MYO5B: variants seen among roughly 807,000 people sequenced by gnomAD.
MYO5B encodes myosin VB, also known as unconventional myosin-Vb.
In MYO5B, 143 loss-of-function variants were observed where a neutral mutation model predicts 229.3. That is an observed-to-expected ratio of 0.62 (90% CI 0.54 to 0.72). The LOEUF is 0.72. Ranked by LOEUF, MYO5B falls within the 30% of genes least tolerant of loss-of-function variation. The pLI is 0.00. For synonymous variants in MYO5B, 918 were observed against 885.2 expected, an observed-to-expected ratio of 1.04 and a Z score of -0.66; for missense variants, 2,321 against 2,331.0, an observed-to-expected ratio of 1.00 and a Z score of 0.09.
chr18:50,135,482 A>C (rs1305222003), intron 1 of MYO5B, among the ~76,000 whole-genome samples: 1 of 152,256 alleles, frequency 6.6e-6, no homozygotes, highest in Non-Finnish European at 1.5e-5. Context: ...ATCTGTATGT[A>C]CACGCACACA....
intron 1 of MYO5B, among the ~76,000 whole-genome samples, chr18:50,111,950 A>G (rs1034795036): frequency 1.3e-5 from 2 of 152,168 alleles, no homozygotes; most frequent in Non-Finnish European, 2.9e-5. Flanking sequence ...TGAGCACTGG[A>G]GCAGAGAAGG....
At chr18:49,921,605 T>G (rs1029484006) in intron 17 of MYO5B, among the ~76,000 whole-genome samples, 4 of 152,066 alleles carry the variant, frequency 2.6e-5, no homozygotes, top group Middle Eastern at 3.2e-3. Context: ...TAGACCGGTA[T>G]AGGGAAGCCC....
chr18:50,161,289 C>A (rs553908671), intron 1 of MYO5B, among the ~76,000 whole-genome samples: 111 of 152,256 alleles, frequency 7.3e-4, no homozygotes, highest in African/African-American at 2.5e-3. Flanking sequence ...GAGGCTGAGG[C>A]ATGAGAATCA....
At chr18:49,923,690 C>G (rs1296344189) in intron 17 of MYO5B, among the ~76,000 whole-genome samples, 1 of 152,200 alleles carries the variant, frequency 6.6e-6, no homozygotes, top group Non-Finnish European at 1.5e-5. Flanking sequence ...CTAGCTCCTC[C>G]CTAACGTTCT....
chr18:50,166,752 G>T (rs1314325117), intron 1 of MYO5B, among the ~76,000 whole-genome samples: 1 of 152,094 alleles, frequency 6.6e-6, no homozygotes, highest in Admixed American at 6.6e-5. Context: ...TGAGTCAAAG[G>T]TCTTATATGG....
chr18:49,932,203 T>C (rs2025200820), intron 16 of MYO5B, among the ~76,000 whole-genome samples: 1 of 152,132 alleles, frequency 6.6e-6, no homozygotes, highest in Non-Finnish European at 1.5e-5. Flanking sequence ...ACATCATGCT[T>C]CCTGACCTCT....
At chr18:50,135,436 GA>G (rs2032320743) in intron 1 of MYO5B, among the ~76,000 whole-genome samples, 1 of 152,176 alleles carries the variant, frequency 6.6e-6, no homozygotes, top group Non-Finnish European at 1.5e-5. Flanking sequence ...GTCTTTGCCA[GA>G]TTCAAAAATC....
intron 1 of MYO5B, among the ~76,000 whole-genome samples, chr18:50,082,194 A>G (rs1416676217): frequency 6.6e-6 from 1 of 152,190 alleles, no homozygotes; most frequent in African/African-American, 2.4e-5. Context: ...AGGGTTAAAT[A>G]TAACAGGAGG....
At chr18:49,990,068 T>C (rs2025912556) in intron 7 of MYO5B, among the ~76,000 whole-genome samples, 1 of 152,242 alleles carries the variant, frequency 6.6e-6, no homozygotes, top group African/African-American at 2.4e-5. Flanking sequence ...AACATGCTGG[T>C]TATGATTATA....
chr18:50,132,113 A>G (rs143460169), intron 1 of MYO5B, among the ~76,000 whole-genome samples: 1 of 152,318 alleles, frequency 6.6e-6, no homozygotes, highest in African/African-American at 2.4e-5. Context: ...GTGTGCCAAT[A>G]CTTCCTCCCC....
intron 23 of MYO5B, among the ~76,000 whole-genome samples, chr18:49,879,943 C>A (rs923855929): frequency 6.6e-6 from 1 of 152,210 alleles, no homozygotes; most frequent in Non-Finnish European, 1.5e-5. Context: ...CCAGCAATGA[C>A]GACAGCTCCT....
At chr18:50,144,479 CT>C (rs1363210125) in intron 1 of MYO5B, among the ~76,000 whole-genome samples, 1 of 152,140 alleles carries the variant, frequency 6.6e-6, no homozygotes, top group Non-Finnish European at 1.5e-5. Context: ...AACATCAGTC[CT>C]TTTTGACAGT....
At chr18:50,061,695 C>T (rs2030690698) in intron 1 of MYO5B, among the ~76,000 whole-genome samples, 1 of 152,126 alleles carries the variant, frequency 6.6e-6, no homozygotes, top group Admixed American at 6.5e-5. Context: ...GGGGGTAGGG[C>T]CCAAACACTG....
chr18:50,089,346 C>A (rs2031397656), intron 1 of MYO5B, among the ~76,000 whole-genome samples: 1 of 152,068 alleles, frequency 6.6e-6, no homozygotes, highest in South Asian at 2.1e-4. Flanking sequence ...CCACTGCACT[C>A]TGGCCTGGGC....
Position 49,857,337 on chromosome 18 carries a change from T to C in MYO5B, c.3945-447A>G, listed in dbSNP as rs139459925. Reference sequence around the variant, plus strand: ...GGGGCTGGGAGGAGAGAACCCTAAGTGTGCATGGAGGAAGCGGGAGGCAGT... The same window carrying C: ...GGGGCTGGGAGGAGAGAACCCTAAGCGTGCATGGAGGAAGCGGGAGGCAGT... On this transcript the variant is annotated intron_variant, in intron 29 of 39. Transcript: ENST00000285039. Among the ~76,000 whole-genome samples the C allele has an allele frequency of 4.1e-4, 63 of 152,168 alleles. No homozygotes were observed. The East Asian group carries it at 0.011, about 28-fold the overall frequency.
intron 4 of MYO5B, among the ~76,000 whole-genome samples, chr18:50,030,932 A>G (rs2026381922): frequency 6.9e-6 from 1 of 145,828 alleles, no homozygotes; most frequent in South Asian, 2.2e-4. Flanking sequence ...AATAAAACAC[A>G]TGGCTCAAAA....
intron 1 of MYO5B, among the ~76,000 whole-genome samples, chr18:50,180,516 C>T (rs568965481): frequency 5.3e-5 from 8 of 152,236 alleles, no homozygotes; most frequent in African/African-American, 1.7e-4. Context: ...CCCACCTACC[C>T]GCTCCCCGAG....
At chr18:49,972,791 GCAAGCA>G (rs1222545245) in intron 10 of MYO5B, among the ~76,000 whole-genome samples, 1 of 152,030 alleles carries the variant, frequency 6.6e-6, no homozygotes, top group Admixed American at 6.6e-5. Context: ...TGAGCACAAG[GCAAGCA>G]CTCGATGGAC....
chr18:50,128,341 T>C (rs374794301), intron 1 of MYO5B, among the ~76,000 whole-genome samples: 11 of 152,308 alleles, frequency 7.2e-5, no homozygotes, highest in Middle Eastern at 3.4e-3. Context: ...GAATGAGGAC[T>C]GTGAGGTGCA....
Sources: allele counts gnomAD v4.1 joint callset (sites outside exome capture counted in the v4.1 genomes callset), GRCh38; gene constraint gnomAD v4.1.1; transcripts MANE v1.5; gene names NCBI Gene and HGNC (gene_info 2026-07-23, HGNC 2026-07-21).